OR1J2: variants seen among roughly 807,000 people sequenced by gnomAD.
OR1J2 encodes olfactory receptor 1J2.
For missense variants in OR1J2, 304 were observed against 246.1 expected, an observed-to-expected ratio of 1.24 and a Z score of -1.57; for synonymous variants, 142 against 99.7, an observed-to-expected ratio of 1.42 and a Z score of -2.52.
the OR1J2 span, among the ~76,000 whole-genome samples, chr9:122,570,669 C>A: frequency 6.6e-6 from 1 of 152,198 alleles, no homozygotes; most frequent in South Asian, 2.1e-4. Flanking sequence ...ATCTGATATT[C>A]CTGCATGTTC....
the OR1J2 span, among the ~76,000 whole-genome samples, chr9:122,529,972 C>T: frequency 6.6e-6 from 1 of 152,280 alleles, no homozygotes; most frequent in South Asian, 2.1e-4. Flanking sequence ...TCCTGACAAT[C>T]TTTGTGATGA....
the OR1J2 span, among the ~76,000 whole-genome samples, chr9:122,456,547 T>G: frequency 6.6e-6 from 1 of 152,182 alleles, no homozygotes; most frequent in Non-Finnish European, 1.5e-5. Context: ...AGCTGACCAT[T>G]AAGCTAACAG....
At chr9:122,577,625 T>C in the OR1J2 span, among the ~76,000 whole-genome samples, 2 of 152,338 alleles carry the variant, frequency 1.3e-5, no homozygotes, top group South Asian at 4.1e-4. Context: ...AATCATATTA[T>C]CTATCAAAGA....
chr9:122,451,152 CATTATTATT>C, the OR1J2 span, among the ~76,000 whole-genome samples: 2,371 of 137,562 alleles, frequency 0.017, 17 homozygotes, highest in African/African-American at 0.032. Context: ...CTATCACCTG[CATTATTATT>C]ATTATTATTA....
At chr9:122,460,259 G>A in the OR1J2 span, among the ~76,000 whole-genome samples, 11 of 151,666 alleles carry the variant, frequency 7.3e-5, no homozygotes, top group South Asian at 1.5e-3. Context: ...ATGTGTTCAC[G>A]TCCTTGATTC....
chr9:122,523,311 G>A, the OR1J2 span, among the ~76,000 whole-genome samples: 1 of 152,134 alleles, frequency 6.6e-6, no homozygotes, highest in African/African-American at 2.4e-5. Flanking sequence ...TCTAGACAGG[G>A]AGACAAAGAC....
the OR1J2 span, among the ~76,000 whole-genome samples, chr9:122,577,121 A>T: frequency 1.3e-5 from 2 of 152,210 alleles, no homozygotes; most frequent in East Asian, 3.8e-4. Context: ...TGCTTCTAGG[A>T]AATAAATTGA....
chr9:122,498,801 CT>C, the OR1J2 span, among the ~76,000 whole-genome samples: 1 of 151,928 alleles, frequency 6.6e-6, no homozygotes, highest in Admixed American at 6.6e-5. Context: ...GGATTTTTTC[CT>C]TTTCTTTCTT....
chr9:122,523,072 G>A, the OR1J2 span, among the ~76,000 whole-genome samples: 86,744 of 152,034 alleles, frequency 0.57, 26,408 homozygotes, highest in East Asian at 0.87. Flanking sequence ...ACACAAGGGC[G>A]TATAGTTAAT....
the OR1J2 span, among the ~76,000 whole-genome samples, chr9:122,543,273 G>A: frequency 8.1e-5 from 12 of 147,496 alleles, no homozygotes; most frequent in Admixed American, 3.4e-4. Flanking sequence ...AATGATCTCA[G>A]CTTACTGCAG....
the OR1J2 span, among the ~76,000 whole-genome samples, chr9:122,493,652 G>A: frequency 2.6e-5 from 4 of 151,978 alleles, no homozygotes; most frequent in Non-Finnish European, 5.9e-5. Context: ...CAAATAACCA[G>A]CATTTTGTTT....
At chr9:122,552,036 TAC>T in the OR1J2 span, among the ~76,000 whole-genome samples, 45,165 of 123,726 alleles carry the variant, frequency 0.37, 7,337 homozygotes, top group East Asian at 0.55. Context: ...GTAGGACACA[TAC>T]ACACACACAC....
At chr9:122,477,144 A>G in the OR1J2 span, 3 of 1,613,944 alleles carry the variant, frequency 1.9e-6, no homozygotes, top group Non-Finnish European at 2.5e-6. Context: ...TGGATGGGGG[A>G]AGAAAATAGA....
chr9:122,447,887 A>C, the OR1J2 span, among the ~76,000 whole-genome samples: 1 of 152,236 alleles, frequency 6.6e-6, no homozygotes, highest in African/African-American at 2.4e-5. Flanking sequence ...CTGTAATCTC[A>C]GCACTTTGGA....
At chr9:122,553,798 A>G in the OR1J2 span, 4 of 1,613,954 alleles carry the variant, frequency 2.5e-6, no homozygotes, top group South Asian at 1.1e-5. Context: ...TCAGATACCC[A>G]TGTAAACGAG....
chr9:122,515,475 A>G (rs1440654946), downstream of OR1J2, among the ~76,000 whole-genome samples: 1 of 149,458 alleles, frequency 6.7e-6, no homozygotes, highest in Admixed American at 6.6e-5. Context: ...AACAATCACC[A>G]CCGGCCAATG....
the OR1J2 span, among the ~76,000 whole-genome samples, chr9:122,452,106 C>A: frequency 6.6e-6 from 1 of 152,092 alleles, no homozygotes; most frequent in Admixed American, 6.5e-5. Context: ...TCTTGATTTC[C>A]TGACCTTGTG....
the OR1J2 span, among the ~76,000 whole-genome samples, chr9:122,469,187 T>C: frequency 6.6e-6 from 1 of 152,230 alleles, no homozygotes; most frequent in Non-Finnish European, 1.5e-5. Flanking sequence ...AAGCAGCAGG[T>C]AAGTGATATG....
At chr9:122,553,820 C>T in the OR1J2 span, 1 of 1,614,038 alleles carries the variant, frequency 6.2e-7, no homozygotes. Context: ...TGATGATCAT[C>T]ACCATGGGCT....
Sources: gnomAD v4.1 joint callset for allele counts (sites outside exome capture counted in the v4.1 genomes callset) on GRCh38, gnomAD v4.1.1 for gene constraint, MANE v1.5 for transcripts, NCBI Gene and HGNC (gene_info 2026-07-23, HGNC 2026-07-21) for gene names.